Variants in PRKCQ observed in about 807,000 individuals in gnomAD.
PRKCQ encodes protein kinase C theta.
Under a neutral mutation model 91.2 loss-of-function variants are expected in PRKCQ, and 41 were observed. That is an observed-to-expected ratio of 0.45 (90% CI 0.35 to 0.58). The LOEUF is 0.58. PRKCQ is among the 20% of genes least tolerant of loss of function. The pLI is 0.00. For missense variants in PRKCQ, 673 were observed against 896.5 expected, an observed-to-expected ratio of 0.75 and a Z score of 3.18; for synonymous variants, 307 against 316.9, an observed-to-expected ratio of 0.97 and a Z score of 0.33.
intron 1 of PRKCQ, among the ~76,000 whole-genome samples, chr10:6,517,205 T>G (rs769770580): frequency 6.6e-6 from 1 of 152,146 alleles, no homozygotes; most frequent in Non-Finnish European, 1.5e-5. Context: ...TTCAGAGCAC[T>G]TTTTAGGTGA....
intron 15 of PRKCQ, among the ~76,000 whole-genome samples, chr10:6,445,173 A>G (rs1424156492): frequency 6.7e-6 from 1 of 148,834 alleles, no homozygotes; most frequent in Non-Finnish European, 1.5e-5. Flanking sequence ...AGTATTTTCT[A>G]GGAAAGCCAG....
chr10:6,548,626 G>T (rs11259505), intron 1 of PRKCQ, among the ~76,000 whole-genome samples: 15 of 142,740 alleles, frequency 1.1e-4, no homozygotes, highest in East Asian at 4.2e-4. Context: ...AGTAAACTAT[G>T]GCAAGAACAA....
chr10:6,527,672 C>G (rs1564375178), intron 1 of PRKCQ, among the ~76,000 whole-genome samples: 1 of 152,178 alleles, frequency 6.6e-6, no homozygotes, highest in Non-Finnish European at 1.5e-5. Context: ...AGACAGCGGT[C>G]ACTTCACAAC....
At chr10:6,491,542 A>T in intron 8 of PRKCQ, 141 bp downstream of exon 8, 4 of 1,163,328 alleles carry the variant, frequency 3.4e-6, no homozygotes, top group Non-Finnish European at 4.8e-6. Flanking sequence ...TTGCCCCAGA[A>T]GACCATACTT....
chr10:6,485,116 A>T (rs1564340543), intron 10 of PRKCQ, 36 bp downstream of exon 10: 3 of 1,550,922 alleles, frequency 1.9e-6, no homozygotes, highest in Non-Finnish European at 2.7e-6. Flanking sequence ...GAGATTAATG[A>T]CTGACAGTGA....
chr10:6,527,348 A>G lies in PRKCQ; in HGVS notation c.-9-12204T>C, dbSNP rs1839235230. Among the ~76,000 whole-genome samples, 3 of 152,154 alleles carry G rather than the reference A, an allele frequency of 2.0e-5. No homozygotes were observed. The South Asian group carries it at 6.2e-4, about 32-fold the overall frequency. On this transcript the variant is annotated intron_variant, in intron 1 of 17. Coordinates refer to ENST00000263125, the MANE Select transcript of PRKCQ (RefSeq NM_006257.5). ...CATATCTAGAAAACAGCAGTCAGTA[A>G]AAGATATAAAAACTGTAATGATGAT...
At chr10:6,414,111 G>A in the PRKCQ span, among the ~76,000 whole-genome samples, 2 of 152,012 alleles carry the variant, frequency 1.3e-5, no homozygotes, top group East Asian at 3.9e-4. Flanking sequence ...GGAACTCAAG[G>A]TGACTCCGGA....
the PRKCQ span, among the ~76,000 whole-genome samples, chr10:6,410,227 T>A: frequency 6.6e-6 from 1 of 152,234 alleles, no homozygotes; most frequent in Non-Finnish European, 1.5e-5. Flanking sequence ...GGTCTGATGA[T>A]CTGTTGTTTC....
downstream of PRKCQ, among the ~76,000 whole-genome samples, chr10:6,425,225 ATTTT>A (rs34277466): frequency 1.5e-5 from 2 of 137,686 alleles, no homozygotes; most frequent in Non-Finnish European, 3.1e-5. Flanking sequence ...TCTCTCCTCT[ATTTT>A]TTTTTTTTTT....
At chr10:6,434,217 A>T (rs1833575348) in intron 16 of PRKCQ, among the ~76,000 whole-genome samples, 1 of 152,042 alleles carries the variant, frequency 6.6e-6, no homozygotes, top group South Asian at 2.1e-4. Flanking sequence ...TGTTGTTCTA[A>T]TGAGATGCTT....
chr10:6,501,228 T>G (rs1263704865), intron 4 of PRKCQ, among the ~76,000 whole-genome samples: 1 of 151,808 alleles, frequency 6.6e-6, no homozygotes, highest in Non-Finnish European at 1.5e-5. Context: ...TATAAACTAC[T>G]TTTTAAAGGA....
At chr10:6,404,253 GGGGAGA>G in the PRKCQ span, among the ~76,000 whole-genome samples, 2 of 12,370 alleles carry the variant, frequency 1.6e-4, no homozygotes, top group Non-Finnish European at 1.3e-3. Context: ...GAGAAGGGGG[GGGGAGA>G]GAGAGAGAGA....
chr10:6,402,226 A>G, the PRKCQ span, among the ~76,000 whole-genome samples: 1 of 152,112 alleles, frequency 6.6e-6, no homozygotes, highest in African/African-American at 2.4e-5. Context: ...GAGGGATAGC[A>G]TTAGGAGAAA....
intron 1 of PRKCQ, among the ~76,000 whole-genome samples, chr10:6,525,342 C>A (rs1483852146): frequency 6.6e-6 from 1 of 152,088 alleles, no homozygotes; most frequent in Admixed American, 6.6e-5. Flanking sequence ...TTTTGGGAGG[C>A]CAAGACAGGC....
chr10:6,540,679 A>G (rs1021332499), intron 1 of PRKCQ, among the ~76,000 whole-genome samples: 2 of 152,168 alleles, frequency 1.3e-5, no homozygotes, highest in African/African-American at 4.8e-5. Context: ...GGCCATGGTG[A>G]ATAATGCTGC....
the PRKCQ span, among the ~76,000 whole-genome samples, chr10:6,398,850 C>G: frequency 2.6e-5 from 4 of 152,172 alleles, no homozygotes; most frequent in South Asian, 2.1e-4. Context: ...ACCTCCTGGG[C>G]TCAAGCCATC....
intron 1 of PRKCQ, among the ~76,000 whole-genome samples, chr10:6,555,968 C>A (rs1840395965): frequency 6.6e-6 from 1 of 152,108 alleles, no homozygotes; most frequent in South Asian, 2.1e-4. Flanking sequence ...GAGATCGTGC[C>A]ACTGCACTGA....
chr10:6,537,914 C>T (rs1025907340), intron 1 of PRKCQ, among the ~76,000 whole-genome samples: 5 of 152,206 alleles, frequency 3.3e-5, no homozygotes, highest in Non-Finnish European at 7.3e-5. Flanking sequence ...TCCTCCGAGG[C>T]CTCTGCAGTT....
At position 6,544,999 on chromosome 10, in the gene PRKCQ, A is replaced by C. The variant is rs547339773; in HGVS notation, c.-9-29855T>G. Among the ~76,000 whole-genome samples, 13 of 147,070 alleles carry C rather than the reference A, an allele frequency of 8.8e-5. No individual in the cohort carries two copies. The East Asian group carries it at 2.6e-3, about 29-fold the overall frequency. On this transcript the variant is annotated intron_variant, in intron 1 of 17. Coordinates refer to ENST00000263125, the MANE Select transcript of PRKCQ (RefSeq NM_006257.5). ...TTTCCTTTCTGTTTTTTTTTTTTTT[A>C]ATCTATAGGGGAAAAATAGCGGGAA...
Sources: allele counts gnomAD v4.1 joint callset (sites outside exome capture counted in the v4.1 genomes callset), GRCh38; gene constraint gnomAD v4.1.1; transcripts MANE v1.5; gene names NCBI Gene and HGNC (gene_info 2026-07-23, HGNC 2026-07-21).